ZCWPW2: variants seen among roughly 807,000 people sequenced by gnomAD.
ZCWPW2 encodes zinc finger CW-type PWWP domain protein 2.
ZCWPW2 carries 45 observed loss-of-function variants against 46.6 expected under a neutral mutation model. That is an observed-to-expected ratio of 0.96 (90% CI 0.76 to 1.24). The LOEUF is 1.24. Among genes scored for constraint, ZCWPW2 ranks in the 50% most tolerant of loss-of-function variants. The pLI is 0.00. For synonymous variants in ZCWPW2, 152 were observed against 137.1 expected (o/e 1.11, Z -0.76); for missense variants, 429 against 403.9 (o/e 1.06, Z -0.53).
intron 2 of ZCWPW2, among the ~76,000 whole-genome samples, chr3:28,392,730 C>A (rs2125719537): frequency 1.3e-5 from 2 of 149,988 alleles, no homozygotes; most frequent in South Asian, 2.1e-4. Flanking sequence ...CTGAAGAAAT[C>A]AAAAGTGAAA....
chr3:28,505,804 C>T lies in ZCWPW2; in HGVS notation c.658-8260C>T, dbSNP rs115807015. 4.9e-3 allele frequency among the ~76,000 whole-genome samples: 741 copies of T among 152,104 alleles called. 6 individuals are homozygous for T. The highest frequency in any genetic ancestry group is 0.017 in the African/African-American group (714 of 41,540). On this transcript the variant is annotated intron_variant, in intron 6 of 9. Transcript: ENST00000383768. ...TTACTCTCAAAAGAAGATTACAAAA[C>T]ATATTTATGTCTTCCCTGAGCATAA...
chr3:28,449,775 G>A (rs985117995), intron 4 of ZCWPW2, among the ~76,000 whole-genome samples: 1 of 152,098 alleles, frequency 6.6e-6, no homozygotes, highest in Admixed American at 6.6e-5. Flanking sequence ...AACATGTGCT[G>A]CAGGGCTATT....
chr3:28,456,567 G>A (rs1698430494), intron 4 of ZCWPW2, among the ~76,000 whole-genome samples: 1 of 152,160 alleles, frequency 6.6e-6, no homozygotes, highest in Non-Finnish European at 1.5e-5. Context: ...TCAAGGGAAT[G>A]CTTCCAGCTT....
At chr3:28,485,765 G>C (rs1456533707) in intron 5 of ZCWPW2, among the ~76,000 whole-genome samples, 3 of 151,812 alleles carry the variant, frequency 2.0e-5, no homozygotes, top group Non-Finnish European at 2.9e-5. Flanking sequence ...CATCCATCTG[G>C]GCCATTAATG....
chr3:28,482,686 G>C (rs1342809503), intron 5 of ZCWPW2, among the ~76,000 whole-genome samples: 1 of 152,098 alleles, frequency 6.6e-6, no homozygotes, highest in Non-Finnish European at 1.5e-5. Flanking sequence ...TTGGGTTTTG[G>C]CCACTCTAGT....
At chr3:28,476,369 G>A (rs1025290274) in intron 4 of ZCWPW2, among the ~76,000 whole-genome samples, 1 of 152,104 alleles carries the variant, frequency 6.6e-6, no homozygotes, top group East Asian at 1.9e-4. Context: ...TCCTTAGGAG[G>A]TTTTAATTTG....
chr3:28,524,310 A>C (rs940172476), intron 9 of ZCWPW2, among the ~76,000 whole-genome samples: 2 of 152,056 alleles, frequency 1.3e-5, no homozygotes, highest in African/African-American at 4.8e-5. Context: ...CTAAAAATGT[A>C]TAAGGCTGGG....
chr3:28,380,944 A>T (rs1308905783), intron 1 of ZCWPW2, among the ~76,000 whole-genome samples: 1 of 32,002 alleles, frequency 3.1e-5, no homozygotes, highest in African/African-American at 1.6e-4. Flanking sequence ...GTATATATAT[A>T]TATATATATA....
At chr3:28,450,578 A>T (rs1340448149) in intron 4 of ZCWPW2, among the ~76,000 whole-genome samples, 1 of 152,126 alleles carries the variant, frequency 6.6e-6, no homozygotes, top group Admixed American at 6.5e-5. Flanking sequence ...TAGTTTTTTT[A>T]TGTTGCCAAG....
chr3:28,484,151 GTCC>G (rs1699517407), intron 5 of ZCWPW2, among the ~76,000 whole-genome samples: 1 of 151,180 alleles, frequency 6.6e-6, no homozygotes, highest in Non-Finnish European at 1.5e-5. Context: ...GGAAGTTCCC[GTCC>G]TCCTTGTTTC....
intron 6 of ZCWPW2, among the ~76,000 whole-genome samples, chr3:28,493,137 T>A (rs534070022): frequency 1.4e-4 from 12 of 86,590 alleles, no homozygotes; most frequent in East Asian, 3.0e-4. Context: ...TTTTTTATTT[T>A]ATTTTTTTTA....
At chr3:28,516,482 A>C (rs1312975254) in intron 8 of ZCWPW2, among the ~76,000 whole-genome samples, 1 of 152,092 alleles carries the variant, frequency 6.6e-6, no homozygotes, top group East Asian at 1.9e-4. Flanking sequence ...TGTGGAATGC[A>C]GGGAGAAAGT....
intron 3 of ZCWPW2, among the ~76,000 whole-genome samples, chr3:28,433,931 T>TG (rs398038767): frequency 1.3e-5 from 2 of 150,994 alleles, no homozygotes; most frequent in Non-Finnish European, 3.0e-5. Context: ...TTTTTTTTTT[T>TG]GACCACTTTT....
chr3:28,510,194 A>G (rs923390889), intron 6 of ZCWPW2, among the ~76,000 whole-genome samples: 1 of 152,168 alleles, frequency 6.6e-6, no homozygotes, highest in South Asian at 2.1e-4. Context: ...GTACCATACT[A>G]TCTTGATTAC....
chr3:28,408,449 G>T (rs150199176), intron 2 of ZCWPW2, among the ~76,000 whole-genome samples: 2 of 150,642 alleles, frequency 1.3e-5, no homozygotes, highest in African/African-American at 4.8e-5. Flanking sequence ...TAGTTTTTCT[G>T]TTTCTTTTTA....
chr3:28,360,717 G>A (rs1391425490), intron 1 of ZCWPW2, among the ~76,000 whole-genome samples: 1 of 151,370 alleles, frequency 6.6e-6, no homozygotes, highest in Non-Finnish European at 1.5e-5. Context: ...TTACATCACA[G>A]CCACTAGGAT....
chr3:28,354,126 CT>C (rs951602898), intron 1 of ZCWPW2, among the ~76,000 whole-genome samples: 1 of 151,936 alleles, frequency 6.6e-6, no homozygotes, highest in Non-Finnish European at 1.5e-5. Flanking sequence ...TGACAAAGAG[CT>C]GTGTGAAATT....
chr3:28,437,341 T>C (rs1697543261), intron 4 of ZCWPW2, among the ~76,000 whole-genome samples: 2 of 152,316 alleles, frequency 1.3e-5, no homozygotes, highest in Admixed American at 1.3e-4. Flanking sequence ...TAACAACTAA[T>C]TAATATTTCA....
intron 4 of ZCWPW2, among the ~76,000 whole-genome samples, chr3:28,460,403 C>A (rs533012734): frequency 6.6e-6 from 1 of 152,212 alleles, no homozygotes; most frequent in Non-Finnish European, 1.5e-5. Context: ...GAGTAAGCAA[C>A]AAGTCAGTAA....
Sources: gnomAD v4.1 joint callset for allele counts (sites outside exome capture counted in the v4.1 genomes callset) on GRCh38, gnomAD v4.1.1 for gene constraint, MANE v1.5 for transcripts, NCBI Gene and HGNC (gene_info 2026-07-23, HGNC 2026-07-21) for gene names.